Variants in ANK3 observed in about 807,000 individuals in gnomAD.
ANK3 encodes ankyrin-3.
ANK3 carries 57 observed loss-of-function variants against 370.9 expected under a neutral mutation model. The ratio of observed to expected loss-of-function variants is 0.15; its 90% confidence interval spans 0.12 to 0.19. The LOEUF (loss-of-function observed/expected upper bound fraction) is 0.19. ANK3 is among the 10% of genes least tolerant of loss of function. The pLI, the probability that ANK3 is intolerant of heterozygous loss-of-function variation, is 1.00. For missense variants in ANK3, 4,439 were observed against 5,302.1 expected (o/e 0.84, Z 5.06); for synonymous variants, 1,929 against 1,946.3 (o/e 0.99, Z 0.23).
intron 2 of ANK3, among the ~76,000 whole-genome samples, chr10:60,502,285 C>A (rs1239245653): frequency 6.6e-6 from 1 of 152,130 alleles, no homozygotes; most frequent in African/African-American, 2.4e-5. Context: ...GGTAACATAT[C>A]ACACTAACAA....
intron 1 of ANK3, among the ~76,000 whole-genome samples, chr10:60,387,127 T>C (rs550877319): frequency 6.6e-6 from 1 of 151,280 alleles, no homozygotes; most frequent in Admixed American, 6.6e-5. Context: ...GCCACTGCAC[T>C]CCAGCCTGGG....
chr10:60,626,551 T>C (rs763846306), intron 1 of ANK3, among the ~76,000 whole-genome samples: 5 of 152,208 alleles, frequency 3.3e-5, no homozygotes, highest in Non-Finnish European at 1.5e-5. Flanking sequence ...CTGAAATGAA[T>C]ATTTTTTACC....
chr10:60,574,836 T>G (rs1164910484), intron 2 of ANK3, among the ~76,000 whole-genome samples: 5 of 152,196 alleles, frequency 3.3e-5, no homozygotes, highest in Non-Finnish European at 7.3e-5. Flanking sequence ...ACAGAGATAG[T>G]ACATCCACCT....
rs775984737 is a variant in ANK3 at position 60,075,822 on chromosome 10, C to A, written c.5059G>T (p.Asp1687Tyr). 6.2e-7 allele frequency: 1 copy of A among 1,614,134 alleles called. No homozygotes were observed. Among genetic ancestry groups the A allele is most frequent in the East Asian group, 2.2e-5 (1 of 44,880 alleles). ...SVVSPVKSAV[D>Y]VISSAKITMA... ...GTAATTTTGGCTGATGAAATGACAT[C>A]AACTGCTGATTTAACTGGAGACACC... is the stretch of plus-strand genomic sequence containing the variant. The change falls in exon 37 of 44, where the codon GAT becomes TAT. Residue 1687 changes from aspartate (D) to tyrosine (Y), a missense_variant. By Grantham distance (160) the Asp-to-Tyr change is radical (BLOSUM62 -3). Coordinates refer to ENST00000280772, the MANE Select transcript of ANK3 (RefSeq NM_020987.5).
At chr10:60,524,941 G>C (rs1296281521) in intron 2 of ANK3, among the ~76,000 whole-genome samples, 1 of 152,038 alleles carries the variant, frequency 6.6e-6, no homozygotes, top group East Asian at 1.9e-4. Context: ...ACCCTAAGCT[G>C]AATCAATAAT....
At position 60,648,313 on chromosome 10, in the gene ANK3, C is replaced by T. The variant is rs528516405; in HGVS notation, c.58-33089G>A. ...GATTACAGGCATGAGCCACCATGCC[C>T]GGCTAATTTTTTTTTTTTTGTATTT... is the stretch of plus-strand genomic sequence containing the variant. On this transcript the variant is annotated intron_variant, in intron 1 of 43. Transcript: ENST00000373827. Among the ~76,000 whole-genome samples the T allele has an allele frequency of 3.0e-3, 308 of 103,252 alleles. 1 individual carries two copies. Among genetic ancestry groups the T allele is most frequent in the Admixed American group, 6.5e-3 (60 of 9,258 alleles). 67.7% of individuals were successfully genotyped at this position (103,252 alleles called of 152,430 possible). A position where few individuals can be genotyped will look rare whatever the true frequency, so the allele number is the denominator to read the frequency against.
rs72822234 is a variant in ANK3, at chr10:60,293,633, C to T, written c.115-13994G>A. Among the ~76,000 whole-genome samples, 803 of 152,170 alleles carry T rather than the reference C, an allele frequency of 5.3e-3. 4 individuals are homozygous for T. Among genetic ancestry groups the T allele is most frequent in the South Asian group, 1.0e-2 (48 of 4,824 alleles). ...GATACAGAACAAGAATGAATTGGAC[C>T]CACTCCTCACATACAAAGAAGGCTA... On this transcript the variant is annotated intron_variant, in intron 1 of 43. Transcript: ENST00000280772.
intron 1 of ANK3, among the ~76,000 whole-genome samples, chr10:60,305,858 G>C (rs1190232076): frequency 1.3e-5 from 2 of 152,202 alleles, no homozygotes; most frequent in East Asian, 3.9e-4. Flanking sequence ...GGCTGGTGGA[G>C]CCTGAGCTGG....
At chr10:60,216,245 G>A (rs1210944951) in intron 8 of ANK3, among the ~76,000 whole-genome samples, 1 of 152,082 alleles carries the variant, frequency 6.6e-6, no homozygotes, top group East Asian at 1.9e-4. Context: ...CTTCCTATTT[G>A]AATATGCTAT....
At chr10:60,583,869 C>A (rs1470806495) in intron 2 of ANK3, among the ~76,000 whole-genome samples, 1 of 152,094 alleles carries the variant, frequency 6.6e-6, no homozygotes, top group Non-Finnish European at 1.5e-5. Flanking sequence ...CAGGCATGAG[C>A]CACGGCGCCC....
At chr10:60,673,473 C>G (rs1038946310) in intron 1 of ANK3, among the ~76,000 whole-genome samples, 6 of 152,098 alleles carry the variant, frequency 3.9e-5, no homozygotes, top group Non-Finnish European at 8.8e-5. Context: ...GCCTCAGCCT[C>G]CCGAGTAGCT....
chr10:60,230,022 T>C (rs1349301019), intron 8 of ANK3, among the ~76,000 whole-genome samples: 3 of 152,164 alleles, frequency 2.0e-5, no homozygotes, highest in Admixed American at 1.3e-4. Context: ...AGTATTGTTA[T>C]TACCAACACT....
intron 1 of ANK3, among the ~76,000 whole-genome samples, chr10:60,307,246 T>C (rs1228605846): frequency 6.6e-6 from 1 of 152,184 alleles, no homozygotes; most frequent in Non-Finnish European, 1.5e-5. Flanking sequence ...ACCTAAAATA[T>C]TACTCACCTT....
chr10:60,131,542 G>A (rs891315226), intron 25 of ANK3, among the ~76,000 whole-genome samples: 1 of 152,166 alleles, frequency 6.6e-6, no homozygotes, highest in African/African-American at 2.4e-5. Context: ...GACTACAAGA[G>A]CATCAGTTTC....
chr10:60,429,095 C>T (rs577439473), intron 2 of ANK3, among the ~76,000 whole-genome samples: 1 of 152,232 alleles, frequency 6.6e-6, no homozygotes, highest in African/African-American at 2.4e-5. Flanking sequence ...GGGACCCCAT[C>T]TCAGGTATTT....
chr10:60,085,397 G>C, intron 30 of ANK3, 144 bp from the exon 31 acceptor site: 1 of 488,800 alleles, frequency 2.0e-6, no homozygotes, highest in East Asian at 3.3e-5. Flanking sequence ...ACTAAAGGTA[G>C]TTTTCCTCTC....
chr10:60,526,414 T>C (rs1380024736), intron 2 of ANK3, among the ~76,000 whole-genome samples: 1 of 152,166 alleles, frequency 6.6e-6, no homozygotes, highest in Non-Finnish European at 1.5e-5. Flanking sequence ...CCTAATACTC[T>C]GCTTCTATAC....
At chr10:60,043,357 G>A in intron 42 of ANK3, 2 of 984,548 alleles carry the variant, frequency 2.0e-6, no homozygotes, top group Non-Finnish European at 2.4e-6. Context: ...TCAATTTTGT[G>A]ATTTGTACTT....
At chr10:60,604,650 G>T (rs2078106256) in intron 2 of ANK3, among the ~76,000 whole-genome samples, 1 of 152,102 alleles carries the variant, frequency 6.6e-6, no homozygotes, top group Non-Finnish European at 1.5e-5. Flanking sequence ...ATTTTTCAAG[G>T]TTACCTAAAT....
Sources: allele counts gnomAD v4.1 joint callset (sites outside exome capture counted in the v4.1 genomes callset), GRCh38; gene constraint gnomAD v4.1.1; transcripts MANE v1.5; gene names NCBI Gene and HGNC (gene_info 2026-07-23, HGNC 2026-07-21).